The following CTNNA3 variants were observed in gnomAD, a reference collection of about 807,000 sequenced individuals.
The protein encoded by CTNNA3 is catenin alpha 3.
In CTNNA3, 76 loss-of-function variants were observed where a neutral mutation model predicts 95.7. The ratio of observed to expected loss-of-function variants is 0.79; its 90% confidence interval spans 0.66 to 0.96. The LOEUF (loss-of-function observed/expected upper bound fraction) is 0.96, where lower values mean the gene tolerates loss of function less well. CTNNA3 is among the 40% of genes least tolerant of loss of function. The probability of loss-of-function intolerance (pLI) is 0.00; values close to 1 mark genes in which losing one functional copy is unlikely to be tolerated. For missense variants in CTNNA3, 1,191 were observed against 1,089.8 expected, an observed-to-expected ratio of 1.09 and a Z score of -1.31; for synonymous variants, 431 against 374.4, an observed-to-expected ratio of 1.15 and a Z score of -1.74.
At chr10:67,696,660 C>A (rs1223098243), upstream of CTNNA3, among the ~76,000 whole-genome samples, 7 of 152,102 alleles carry the variant, frequency 4.6e-5, no homozygotes. Context: ...AGAATCTAAA[C>A]TGAAGATTTA....
intron 7 of CTNNA3, among the ~76,000 whole-genome samples, chr10:66,848,776 A>G (rs943137165): frequency 6.6e-6 from 1 of 152,162 alleles, no homozygotes; most frequent in African/African-American, 2.4e-5. Context: ...CCAAATAGAT[A>G]TTTTCGTGTG....
intron 8 of CTNNA3, among the ~76,000 whole-genome samples, chr10:66,772,372 C>A (rs1259218066): frequency 6.6e-6 from 1 of 150,704 alleles, no homozygotes; most frequent in African/African-American, 2.4e-5. Flanking sequence ...TTGCAACGAG[C>A]CGAGATCACA....
chr10:67,221,839 G>A (rs1182830356), intron 5 of CTNNA3, among the ~76,000 whole-genome samples: 5 of 151,988 alleles, frequency 3.3e-5, no homozygotes, highest in African/African-American at 1.2e-4. Context: ...CTCCCAAAGT[G>A]GAAAAATTTC....
chr10:67,056,714 T>C (rs1855453128), intron 7 of CTNNA3, among the ~76,000 whole-genome samples: 1 of 152,198 alleles, frequency 6.6e-6, no homozygotes. Flanking sequence ...TTTCAATCAC[T>C]ATGATCTCAA....
chr10:66,138,202 AC>A (rs1472554473), intron 13 of CTNNA3, among the ~76,000 whole-genome samples: 1 of 152,152 alleles, frequency 6.6e-6, no homozygotes, highest in African/African-American at 2.4e-5. Context: ...AAAGTTTGAA[AC>A]TTTCTCCTTG....
At chr10:66,037,566 G>A (rs1227552406) in intron 15 of CTNNA3, among the ~76,000 whole-genome samples, 1 of 152,114 alleles carries the variant, frequency 6.6e-6, no homozygotes, top group East Asian at 1.9e-4. Context: ...ATAATAATGA[G>A]GATGAATGAG....
chr10:66,120,264 A>T (rs1013336913), intron 13 of CTNNA3, among the ~76,000 whole-genome samples: 2 of 152,146 alleles, frequency 1.3e-5, no homozygotes, highest in Admixed American at 1.3e-4. Context: ...TACCTATCTT[A>T]TAGGGTTGTT....
At chr10:66,502,732 A>G (rs1840319094) in intron 11 of CTNNA3, among the ~76,000 whole-genome samples, 1 of 152,100 alleles carries the variant, frequency 6.6e-6, no homozygotes, top group South Asian at 2.1e-4. Flanking sequence ...GGAAAAAAAA[A>G]ACTCTATAAT....
At chr10:66,274,492 C>T (rs2091350937) in intron 13 of CTNNA3, among the ~76,000 whole-genome samples, 1 of 152,052 alleles carries the variant, frequency 6.6e-6, no homozygotes, top group Non-Finnish European at 1.5e-5. Flanking sequence ...GTTTGGCAAA[C>T]AGTCACTTAT....
intron 10 of CTNNA3, among the ~76,000 whole-genome samples, chr10:66,545,886 G>A (rs2939908): frequency 0.92 from 139,223 of 151,182 alleles, 64,297 homozygotes; most frequent in East Asian, 0.98. Context: ...TGTATATTTT[G>A]TATATCTATA....
chr10:67,733,482 T>A (rs3125311), intron 1 of CTNNA3, among the ~76,000 whole-genome samples: 4 of 151,968 alleles, frequency 2.6e-5, no homozygotes, highest in African/African-American at 9.7e-5. Context: ...GAAGGAGGCT[T>A]GTCTCTGCTT....
chr10:66,513,851 A>G (rs77657186), intron 11 of CTNNA3, among the ~76,000 whole-genome samples: 2,843 of 152,208 alleles, frequency 0.019, 60 homozygotes, highest in East Asian at 0.082. Context: ...AGGACTGCCT[A>G]TTCCCTGGGA....
rs948623723 is a variant in CTNNA3, at chr10:66,699,667, T to TC, written c.1281+66596_1281+66597insG. 1.1e-4 allele frequency among the ~76,000 whole-genome samples: 4 copies of TC among 37,976 alleles called. No homozygotes were observed. In the South Asian group the frequency reaches 4.2e-3, roughly 40 times the overall value. 24.9% of individuals were successfully genotyped at this position (37,976 alleles called of 152,430 possible). On this transcript the variant is annotated intron_variant, in intron 9 of 17. Coordinates refer to ENST00000433211, the MANE Select transcript of CTNNA3 (RefSeq NM_013266.4). ...CTATGAGTACTCAATGATATTTACC[T>TC]TTTTTTTTTTTGAGATGGAGTTTTG...
At chr10:66,222,620 GAA>G (rs72025421) in intron 13 of CTNNA3, among the ~76,000 whole-genome samples, 1,857 of 50,372 alleles carry the variant, frequency 0.037, 19 homozygotes, top group Non-Finnish European at 0.067. Context: ...AAGAAAGAAA[GAA>G]AAAGAAAGAA....
rs140684287 is a variant in CTNNA3 at position 66,360,549 on chromosome 10, G to A, written c.1732+18603C>T. On this transcript the variant is annotated intron_variant, in intron 12 of 17. Coordinates refer to ENST00000433211, the MANE Select transcript of CTNNA3 (RefSeq NM_013266.4). ...TTTTGGACCAGTATGTGCTTTCCAG[G>A]TGGGACAGGGAAACAACTCTGAGGC... 4.0e-3 allele frequency among the ~76,000 whole-genome samples: 609 copies of A among 152,202 alleles called. 1 individual carries two copies. Among genetic ancestry groups the A allele is most frequent in the Non-Finnish European group, 6.2e-3 (419 of 68,006 alleles).
At chr10:66,984,721 CTTAAATGACTT>C (rs1409202797) in intron 7 of CTNNA3, among the ~76,000 whole-genome samples, 1 of 152,010 alleles carries the variant, frequency 6.6e-6, no homozygotes, top group Non-Finnish European at 1.5e-5. Context: ...TAAAGTCACA[CTTAAATGACTT>C]AAGAAAATGT....
chr10:66,479,889 A>T (rs74911637), intron 11 of CTNNA3, among the ~76,000 whole-genome samples: 1 of 151,896 alleles, frequency 6.6e-6, no homozygotes, highest in African/African-American at 2.4e-5. Context: ...CTTTCTGCAC[A>T]TTCTCATCAA....
intron 11 of CTNNA3, among the ~76,000 whole-genome samples, chr10:66,393,946 A>T (rs1174999061): frequency 6.6e-6 from 1 of 152,076 alleles, no homozygotes; most frequent in Non-Finnish European, 1.5e-5. Context: ...TGACTTCAAG[A>T]TAAGGTGATT....
chr10:67,022,846 G>A (rs1395434268), intron 7 of CTNNA3, among the ~76,000 whole-genome samples: 3 of 152,138 alleles, frequency 2.0e-5, no homozygotes, highest in Admixed American at 2.0e-4. Context: ...GCTGAGGCAG[G>A]AGAATAGCTT....
Sources: gnomAD v4.1 joint callset for allele counts (sites outside exome capture counted in the v4.1 genomes callset) on GRCh38, gnomAD v4.1.1 for gene constraint, MANE v1.5 for transcripts, NCBI Gene and HGNC (gene_info 2026-07-23, HGNC 2026-07-21) for gene names.